The following ADAMTS9 variants were observed in gnomAD, a reference collection of about 807,000 sequenced individuals.
ADAMTS9 encodes A disintegrin and metalloproteinase with thrombospondin motifs 9.
Under a neutral mutation model 257.1 loss-of-function variants are expected in ADAMTS9, and 107 were observed. The observed-to-expected ratio is 0.42, with a 90% confidence interval of 0.36 to 0.49. The LOEUF (loss-of-function observed/expected upper bound fraction) is 0.49, where lower values mean the gene tolerates loss of function less well. Among genes scored for constraint, ADAMTS9 ranks in the 20% least tolerant of loss-of-function variants. The probability of loss-of-function intolerance (pLI) is 0.03; values close to 1 mark genes in which losing one functional copy is unlikely to be tolerated. For missense variants in ADAMTS9, 2,353 were observed against 2,469.1 expected, an observed-to-expected ratio of 0.95 and a Z score of 1.00; for synonymous variants, 982 against 880.9, an observed-to-expected ratio of 1.11 and a Z score of -2.03.
chr3:64,664,256 A>G (rs1701290734), intron 3 of ADAMTS9, among the ~76,000 whole-genome samples: 1 of 152,152 alleles, frequency 6.6e-6, no homozygotes. Flanking sequence ...TTTTACATTT[A>G]TGATTAATTT....
rs1385469487 is a variant in ADAMTS9, at chr3:64,622,533, T to C, written c.2443A>G (p.Met815Val). 1.2e-6 allele frequency: 2 copies of C among 1,614,104 alleles called. No individual in the cohort carries two copies. ...CCAATGCGAATTTCCCTTTTGGCCA[T>C]TGTGACAACAAAGTTTCCATTTAGC... is the stretch of plus-strand genomic sequence containing the variant. Reference protein sequence around the residue: ...FLLNGNFVVTMAKREIRIGNA... With the variant: ...FLLNGNFVVTVAKREIRIGNA... The change falls in exon 17 of 40, where the codon ATG (methionine) becomes GTG (valine). Residue 815 changes from methionine (M) to valine (V), a missense_variant. Physicochemically the swap from Met to Val is conservative, Grantham distance 21. Coordinates refer to ENST00000498707, the MANE Select transcript of ADAMTS9 (RefSeq NM_182920.2).
At chr3:64,546,733 T>C (rs1413021008) in intron 32 of ADAMTS9, 25 bp downstream of exon 32, 2 of 1,561,862 alleles carry the variant, frequency 1.3e-6, no homozygotes, top group Middle Eastern at 2.2e-4. Flanking sequence ...GGCTTTCAGA[T>C]TTGAGTGCTC....
intron 4 of ADAMTS9, among the ~76,000 whole-genome samples, chr3:64,657,716 T>C (rs938478586): frequency 6.6e-6 from 1 of 152,148 alleles, no homozygotes; most frequent in East Asian, 1.9e-4. Context: ...TAAATACATT[T>C]GAAATTAAAT....
chr3:64,623,103 A>G (rs1170516117), intron 16 of ADAMTS9, among the ~76,000 whole-genome samples: 3 of 152,196 alleles, frequency 2.0e-5, no homozygotes, highest in African/African-American at 7.2e-5. Flanking sequence ...AGATCTCCTT[A>G]TCAGTGTAGC....
At chr3:64,667,590 C>G (rs1178219672) in intron 3 of ADAMTS9, among the ~76,000 whole-genome samples, 1 of 152,156 alleles carries the variant, frequency 6.6e-6, no homozygotes, top group Non-Finnish European at 1.5e-5. Context: ...GGGTGGGTGC[C>G]TCCAGCTACC....
intron 8 of ADAMTS9, among the ~76,000 whole-genome samples, chr3:64,653,080 TC>T (rs746214993): frequency 6.6e-6 from 1 of 152,178 alleles, no homozygotes; most frequent in Non-Finnish European, 1.5e-5. Flanking sequence ...CAATCCAAAA[TC>T]CAAAACACTT....
chr3:64,655,939 G>T lies in ADAMTS9; in HGVS notation c.970-64C>A, dbSNP rs147903441. 8 of 1,030,320 alleles carry T rather than the reference G, an allele frequency of 7.8e-6. No individual in the cohort carries two copies. The African/African-American group carries it at 8.0e-5, about 10-fold the overall frequency. The allele number at this position is 1,030,320 out of a possible 1,614,324, so 63.8% of individuals were successfully genotyped here. A position where few individuals can be genotyped will look rare whatever the true frequency, so the allele number is the denominator to read the frequency against. ...TCCGTGTAAGCAATAAGCAAGTCACGTCTTACGTTGGGCTCCACCTCTTTT... is the reference window on the plus strand; with the variant it reads ...TCCGTGTAAGCAATAAGCAAGTCACTTCTTACGTTGGGCTCCACCTCTTTT... On this transcript the variant is annotated intron_variant, in intron 4 of 39. Transcript: ENST00000498707.
intron 3 of ADAMTS9, among the ~76,000 whole-genome samples, chr3:64,665,416 A>C: frequency 6.6e-6 from 1 of 152,210 alleles, no homozygotes; most frequent in East Asian, 1.9e-4. Flanking sequence ...ATGTGGAGTA[A>C]GAACAGTACC....
At chr3:64,542,981 T>TA (rs1176545475) in intron 32 of ADAMTS9, among the ~76,000 whole-genome samples, 1 of 152,126 alleles carries the variant, frequency 6.6e-6, no homozygotes, top group Admixed American at 6.5e-5. Context: ...GAGAACACTA[T>TA]AAACACCTCT....
chr3:64,546,454 T>C (rs1206627736), intron 32 of ADAMTS9, among the ~76,000 whole-genome samples: 1 of 152,184 alleles, frequency 6.6e-6, no homozygotes, highest in Non-Finnish European at 1.5e-5. Flanking sequence ...CAACTACCAG[T>C]TTTGCAGATG....
chr3:64,608,664 G>C (rs1313650828), intron 22 of ADAMTS9, among the ~76,000 whole-genome samples: 1 of 151,734 alleles, frequency 6.6e-6, no homozygotes, highest in Non-Finnish European at 1.5e-5. Flanking sequence ...TCCTCAAAAA[G>C]TTTGTACCAG....
intron 29 of ADAMTS9, among the ~76,000 whole-genome samples, chr3:64,564,699 T>C (rs778752968): frequency 2.0e-5 from 3 of 151,842 alleles, no homozygotes; most frequent in Non-Finnish European, 4.4e-5. Flanking sequence ...TTCCCCCTTA[T>C]TCCCCCCCAA....
rs34113157 is a variant in ADAMTS9 at position 64,604,035 on chromosome 3, C to T, written c.3634G>A (p.Glu1212Lys). The T allele has an allele frequency of 2.4e-4, 392 of 1,613,994 alleles. No individual in the cohort carries two copies. The highest frequency in any genetic ancestry group is 3.2e-4 in the Non-Finnish European group (382 of 1,180,010). ...TRMRYVSCRD[E>K]NGSVADESAC... is the part of the protein sequence containing the mutation. The stretch of plus-strand genomic sequence containing the variant: ...CTCTCGTCAGCCACAGAGCCATTCT[C>T]ATCTCGGCAGCTGACGTATCTCATC... The change falls in exon 25 of 40, where the codon GAG (glutamate) becomes AAG (lysine). Residue 1212 changes from glutamate (E) to lysine (K), a missense_variant. Coordinates refer to ENST00000498707, the MANE Select transcript of ADAMTS9 (RefSeq NM_182920.2).
At chr3:64,654,692 G>A in intron 6 of ADAMTS9, 80 bp from the exon 7 acceptor site, 4 of 1,510,586 alleles carry the variant, frequency 2.6e-6, no homozygotes, top group Non-Finnish European at 3.7e-6. Flanking sequence ...GGTCGTCTAG[G>A]CATTCACAAC....
chr3:64,682,324 G>C (rs1456518188), intron 2 of ADAMTS9, among the ~76,000 whole-genome samples: 1 of 152,220 alleles, frequency 6.6e-6, no homozygotes, highest in African/African-American at 2.4e-5. Context: ...CAAAGGCTTA[G>C]AACTCGTGAA....
In ADAMTS9 at chr3:64,621,021, G is replaced by C. The variant is rs4271906; in HGVS notation, c.2813+93C>G. The C allele has an allele frequency of 4.4e-3, 6,322 of 1,447,392 alleles. 26 individuals are homozygous for C. The highest frequency in any genetic ancestry group is 0.016 in the Middle Eastern group (89 of 5,406). The allele number at this position is 1,447,392 out of a possible 1,614,324, so 89.7% of individuals were successfully genotyped here. A position where few individuals can be genotyped will look rare whatever the true frequency, so the allele number is the denominator to read the frequency against. On this transcript the variant is annotated intron_variant, in intron 19 of 39. Transcript: ENST00000498707. ...TGAAACACAAGAAAGGGGAACTAAA[G>C]ACCAGCATCCCCTCCTTTTGCTTCT...
chr3:64,545,689 A>G (rs944462781), intron 32 of ADAMTS9, among the ~76,000 whole-genome samples: 1 of 152,226 alleles, frequency 6.6e-6, no homozygotes, highest in South Asian at 2.1e-4. Context: ...GCACACCAAC[A>G]TGGCACATGT....
At chr3:64,614,373 G>A (rs1188013071) in intron 21 of ADAMTS9, among the ~76,000 whole-genome samples, 1 of 152,186 alleles carries the variant, frequency 6.6e-6, no homozygotes, top group African/African-American at 2.4e-5. Context: ...ATCAGACACT[G>A]TTAATCAAAT....
At chr3:64,589,849 A>T (rs533101641) in intron 28 of ADAMTS9, 1 of 152,330 alleles carries the variant, frequency 6.6e-6, no homozygotes, top group African/African-American at 2.4e-5. Flanking sequence ...CTTTCATAAG[A>T]AATGCTTTCT....
Sources: gnomAD v4.1 joint callset for allele counts (sites outside exome capture counted in the v4.1 genomes callset) on GRCh38, gnomAD v4.1.1 for gene constraint, MANE v1.5 for transcripts, NCBI Gene and HGNC (gene_info 2026-07-23, HGNC 2026-07-21) for gene names.